Variants in JAK2 observed in about 807,000 individuals in gnomAD.
The protein encoded by JAK2 is Janus kinase 2.
A neutral mutation model predicts 139.3 loss-of-function variants in JAK2; 86 were observed. That is an observed-to-expected ratio of 0.62 (90% CI 0.52 to 0.74). JAK2 has a LOEUF of 0.74. JAK2 is among the 30% of genes least tolerant of loss of function. The pLI, the probability that JAK2 is intolerant of heterozygous loss-of-function variation, is 0.00. For missense variants in JAK2, 1,421 were observed against 1,360.3 expected (o/e 1.04, Z -0.70); for synonymous variants, 490 against 437.7 (o/e 1.12, Z -1.49).
chr9:5,064,797 T>G, intron 8 of JAK2, 86 bp from the exon 9 acceptor site: 1 of 1,009,208 alleles, frequency 9.9e-7, no homozygotes, highest in Non-Finnish European at 1.4e-6. Context: ...AAAATTGTAT[T>G]TAACATGGAA....
chr9:5,091,602 T>C (rs1379065501), intron 22 of JAK2: 1 of 152,114 alleles, frequency 6.6e-6, no homozygotes, highest in Non-Finnish European at 1.5e-5. Context: ...CTCAGGGTAA[T>C]AGATTAGATA....
At chr9:5,112,448 A>C (rs1159642017) in intron 22 of JAK2, 4 of 530,994 alleles carry the variant, frequency 7.5e-6, no homozygotes, top group Non-Finnish European at 1.4e-5. Context: ...GAGGAGAAGA[A>C]GGAGCTGAAG....
At chr9:5,072,891 T>A (rs1241437448) in intron 13 of JAK2, among the ~76,000 whole-genome samples, 2 of 152,178 alleles carry the variant, frequency 1.3e-5, no homozygotes, top group Non-Finnish European at 2.9e-5. Flanking sequence ...GCCTTGATTT[T>A]CAAACTTGGC....
At chr9:5,092,650 A>C (rs1435911581) in intron 22 of JAK2, among the ~76,000 whole-genome samples, 1 of 152,238 alleles carries the variant, frequency 6.6e-6, no homozygotes. Flanking sequence ...TTCTGCATAA[A>C]GTATTAAGTA....
intron 22 of JAK2, among the ~76,000 whole-genome samples, chr9:5,104,739 C>G: frequency 6.6e-6 from 1 of 152,192 alleles, no homozygotes; most frequent in Non-Finnish European, 1.5e-5. Context: ...CCCTAGGATG[C>G]AAGGCTGGTT....
Position 5,054,135 on chromosome 9 carries a change from A to C in JAK2, c.615-428A>C, listed in dbSNP as rs1432338305. Among the ~76,000 whole-genome samples the C allele has an allele frequency of 1.3e-5, 2 of 152,096 alleles. No homozygotes were observed. Among genetic ancestry groups the C allele is most frequent in the Non-Finnish European group, 2.9e-5 (2 of 67,922 alleles). On this transcript the variant is annotated intron_variant, in intron 6 of 24. Transcript: ENST00000381652. This position sits in a 1 kb window ranked among gnomAD's most constrained non-coding sequence, Gnocchi z 4.9. The stretch of plus-strand genomic sequence containing the variant: ...ATGAAAATGGCTTCCAACAAAATGT[A>C]ACAATTTCCAAAATTCAGGTAAATG...
At chr9:5,013,083 G>C (rs968936101) in intron 2 of JAK2, among the ~76,000 whole-genome samples, 1 of 152,072 alleles carries the variant, frequency 6.6e-6, no homozygotes, top group South Asian at 2.1e-4. Context: ...GAAGAATAAA[G>C]GTTGACCAAA....
chr9:5,024,797 CT>C (rs1822672976), intron 3 of JAK2, among the ~76,000 whole-genome samples: 1 of 152,120 alleles, frequency 6.6e-6, no homozygotes, highest in Non-Finnish European at 1.5e-5. Flanking sequence ...TAGGTGTGCT[CT>C]TTGCATCATT....
intron 4 of JAK2, chr9:5,041,691 G>A: frequency 2.0e-6 from 1 of 509,304 alleles, no homozygotes; most frequent in Non-Finnish European, 3.9e-6. Context: ...CGACCGAAGC[G>A]GCTTCGTGTT....
chr9:5,069,272 T>A, intron 11 of JAK2, 64 bp downstream of exon 11: 1 of 1,039,714 alleles, frequency 9.6e-7, no homozygotes, highest in Non-Finnish European at 1.4e-6. Context: ...GCGTGAAGTA[T>A]CTTCAGTACA....
In JAK2 at chr9:5,112,450, G is replaced by C. The variant is rs1215031414; in HGVS notation, c.3060-10554G>C. 9.4e-6 allele frequency: 5 copies of C among 534,334 alleles called. No individual in the cohort carries two copies. In the African/African-American group the frequency reaches 9.9e-5, roughly 11 times the overall value. 33.1% of individuals were successfully genotyped at this position (534,334 alleles called of 1,614,324 possible). On this transcript the variant is annotated intron_variant, in intron 22 of 24. Coordinates refer to ENST00000381652, the MANE Select transcript of JAK2 (RefSeq NM_004972.4). ...GCTGACCACTCAAGAGGAGAAGAAG[G>C]AGCTGAAGGACCCCCGGGACCGGAC...
chr9:5,005,258 C>G (rs1005523408), intron 2 of JAK2, among the ~76,000 whole-genome samples: 5 of 151,324 alleles, frequency 3.3e-5, no homozygotes, highest in African/African-American at 9.7e-5. Flanking sequence ...TCTGTATTGT[C>G]CTTTGAGGAA....
chr9:5,042,515 A>G (rs1048838242), intron 4 of JAK2, among the ~76,000 whole-genome samples: 4 of 152,050 alleles, frequency 2.6e-5, no homozygotes, highest in South Asian at 2.1e-4. Flanking sequence ...GGAATAAAGG[A>G]AAAAAAAGAA....
At chr9:5,052,894 A>G (rs1294285410) in intron 6 of JAK2, among the ~76,000 whole-genome samples, 1 of 151,884 alleles carries the variant, frequency 6.6e-6, no homozygotes, top group Admixed American at 6.6e-5. Context: ...TTTGTTCTTC[A>G]CTTGATGAAA....
intron 2 of JAK2, among the ~76,000 whole-genome samples, chr9:5,008,764 C>T (rs1026253463): frequency 2.6e-5 from 4 of 152,104 alleles, no homozygotes; most frequent in Non-Finnish European, 4.4e-5. Context: ...TAACATGAAC[C>T]CAGCATCTTT....
chr9:5,004,569 G>C (rs1008943014), intron 2 of JAK2, among the ~76,000 whole-genome samples: 1 of 151,912 alleles, frequency 6.6e-6, no homozygotes, highest in Non-Finnish European at 1.5e-5. Context: ...CTTTATCTTG[G>C]CTATTAAGAA....
chr9:4,998,364 C>G (rs1411420369), intron 2 of JAK2, among the ~76,000 whole-genome samples: 1 of 152,086 alleles, frequency 6.6e-6, no homozygotes, highest in Non-Finnish European at 1.5e-5. Flanking sequence ...TCAAGCAATT[C>G]TCCTACCTCA....
At chr9:5,061,173 C>T (rs1266383111) in intron 8 of JAK2, among the ~76,000 whole-genome samples, 2 of 152,206 alleles carry the variant, frequency 1.3e-5, no homozygotes, top group Non-Finnish European at 2.9e-5. Flanking sequence ...GCATAATTCG[C>T]AGAGCCCTGG....
At chr9:5,036,678 G>A in intron 4 of JAK2, among the ~76,000 whole-genome samples, 1 of 152,152 alleles carries the variant, frequency 6.6e-6, no homozygotes, top group South Asian at 2.1e-4. Context: ...GCTGAAACTG[G>A]ATCCCTTCCT....
Sources: allele counts gnomAD v4.1 joint callset (sites outside exome capture counted in the v4.1 genomes callset), GRCh38; gene constraint gnomAD v4.1.1; non-coding constraint Gnocchi (gnomAD v3.1); transcripts MANE v1.5; gene names NCBI Gene and HGNC (gene_info 2026-07-23, HGNC 2026-07-21).